Variants in ANKRD12 observed in about 807,000 individuals in gnomAD.
ANKRD12 encodes the protein ankyrin repeat domain-containing protein 12.
Under a neutral mutation model 183.4 loss-of-function variants are expected in ANKRD12, and 85 were observed. That is an observed-to-expected ratio of 0.46 (90% CI 0.39 to 0.56). The LOEUF is 0.56. Among genes scored for constraint, ANKRD12 ranks in the 20% least tolerant of loss-of-function variants. The pLI, the probability that ANKRD12 is intolerant of heterozygous loss-of-function variation, is 0.00. For synonymous variants in ANKRD12, 914 were observed against 800.2 expected (o/e 1.14, Z -2.40); for missense variants, 2,405 against 2,357.1 (o/e 1.02, Z -0.42).
intron 12 of ANKRD12, 77 bp from the exon 13 acceptor site, chr18:9,280,864 G>A (rs1445585021): frequency 2.8e-6 from 4 of 1,411,156 alleles, no homozygotes; most frequent in East Asian, 2.3e-5. Flanking sequence ...AGTTCCTAAA[G>A]AAACTGGATG....
chr18:9,194,637 C>T (rs939778364), intron 2 of ANKRD12, among the ~76,000 whole-genome samples: 1 of 152,194 alleles, frequency 6.6e-6, no homozygotes. Flanking sequence ...GATTAACAGG[C>T]ATGAGCCACC....
intron 8 of ANKRD12, among the ~76,000 whole-genome samples, chr18:9,232,286 T>C (rs912876320): frequency 2.0e-5 from 3 of 152,250 alleles, no homozygotes; most frequent in Non-Finnish European, 4.4e-5. Context: ...AGGACTCCCT[T>C]GAGCATTTCT....
rs183495990 is a variant in ANKRD12 at position 9,279,527 on chromosome 18, A to G, written c.5908-22A>G. 28 of 1,392,474 alleles carry G rather than the reference A, an allele frequency of 2.0e-5. No individual in the cohort carries two copies. In the African/African-American group the frequency reaches 3.7e-4, roughly 18 times the overall value. 86.3% of individuals were successfully genotyped at this position (1,392,474 alleles called of 1,614,324 possible). ...TTTAAAGTGATTTATTGTATTTTAT[A>G]ATACTCACTTTTCTCTTTTAGTCTG... On this transcript the variant is annotated intron_variant, in intron 11 of 12. Coordinates refer to ENST00000262126, the MANE Select transcript of ANKRD12 (RefSeq NM_015208.5).
intron 3 of ANKRD12, among the ~76,000 whole-genome samples, chr18:9,202,281 T>C (rs1338572818): frequency 6.6e-6 from 1 of 152,216 alleles, no homozygotes; most frequent in South Asian, 2.1e-4. Flanking sequence ...CCTAAGACTT[T>C]AGATGCCATT....
At chr18:9,210,809 G>A (rs369737927) in intron 5 of ANKRD12, among the ~76,000 whole-genome samples, 3 of 148,480 alleles carry the variant, frequency 2.0e-5, no homozygotes, top group Non-Finnish European at 3.0e-5. Context: ...AGCTCTAATC[G>A]TGTCAGGTTT....
intron 8 of ANKRD12, among the ~76,000 whole-genome samples, chr18:9,236,384 G>A (rs988255323): frequency 1.4e-5 from 2 of 146,080 alleles, no homozygotes; most frequent in African/African-American, 5.0e-5. Context: ...CCACCTAAGT[G>A]AAACTATTAG....
intron 10 of ANKRD12, among the ~76,000 whole-genome samples, chr18:9,272,493 C>T (rs1242364869): frequency 9.2e-5 from 14 of 151,736 alleles, no homozygotes; most frequent in African/African-American, 2.4e-4. Flanking sequence ...ACCCGGGAGG[C>T]GGAGGTTGCA....
At chr18:9,162,783 G>A (rs913193050) in intron 1 of ANKRD12, among the ~76,000 whole-genome samples, 7 of 149,504 alleles carry the variant, frequency 4.7e-5, no homozygotes, top group Non-Finnish European at 7.4e-5. Context: ...GTTTTGATTT[G>A]CATTTCTCTA....
At chr18:9,241,226 TATCAACAA>T (rs1255275106) in intron 8 of ANKRD12, among the ~76,000 whole-genome samples, 2 of 152,162 alleles carry the variant, frequency 1.3e-5, no homozygotes, top group African/African-American at 4.8e-5. Flanking sequence ...CAAATATATA[TATCAACAA>T]ATTTGATGAT....
At chr18:9,252,785 G>A (rs907952254) in intron 8 of ANKRD12, among the ~76,000 whole-genome samples, 3 of 152,138 alleles carry the variant, frequency 2.0e-5, no homozygotes, top group Admixed American at 1.3e-4. Context: ...GGCAATTTGT[G>A]AAACTCCGTT....
At chr18:9,154,120 T>C (rs2030018359) in intron 1 of ANKRD12, among the ~76,000 whole-genome samples, 1 of 152,146 alleles carries the variant, frequency 6.6e-6, no homozygotes, top group Admixed American at 6.6e-5. Context: ...GATTTTTAGT[T>C]TTAAAAGATT....
chr18:9,244,619 C>G (rs1356620254), intron 8 of ANKRD12, among the ~76,000 whole-genome samples: 1 of 152,130 alleles, frequency 6.6e-6, no homozygotes, highest in African/African-American at 2.4e-5. Flanking sequence ...CGTATGATTT[C>G]GATTCTGAGA....
At chr18:9,266,106 T>C (rs1031653087) in intron 10 of ANKRD12, among the ~76,000 whole-genome samples, 7 of 152,166 alleles carry the variant, frequency 4.6e-5, no homozygotes, top group African/African-American at 9.7e-5. Flanking sequence ...CCAGGAAATA[T>C]GGGGCTATGT....
chr18:9,173,984 C>G (rs1028659439), intron 1 of ANKRD12, among the ~76,000 whole-genome samples: 1 of 152,232 alleles, frequency 6.6e-6, no homozygotes, highest in African/African-American at 2.4e-5. Context: ...GAGTACTGTT[C>G]ATATAACCTT....
chr18:9,210,685 T>C (rs1406759366), intron 5 of ANKRD12, among the ~76,000 whole-genome samples: 1 of 125,472 alleles, frequency 8.0e-6, no homozygotes, highest in Non-Finnish European at 1.6e-5. Flanking sequence ...TAGATCAAAC[T>C]ACCACGCTCC....
chr18:9,247,871 C>T (rs951650062), intron 8 of ANKRD12, among the ~76,000 whole-genome samples: 1 of 151,978 alleles, frequency 6.6e-6, no homozygotes, highest in African/African-American at 2.4e-5. Context: ...GGTGCAACTT[C>T]CACCTCCCAG....
In ANKRD12 at chr18:9,166,273, C is replaced by T. The variant is rs992453662; in HGVS notation, c.-51-16109C>T. Among the ~76,000 whole-genome samples the T allele has an allele frequency of 2.1e-3, 325 of 152,276 alleles. 2 individuals are homozygous for T. Among genetic ancestry groups the T allele is most frequent in the Non-Finnish European group, 1.7e-3 (116 of 68,026 alleles). ...GCTGGGTCAAATGGTATTTCTAATT[C>T]TAGATCCCTGAGGAATCGCCACACT... On this transcript the variant is annotated intron_variant, in intron 1 of 12. Transcript: ENST00000262126.
At chr18:9,187,507 T>C (rs1439255265) in intron 2 of ANKRD12, among the ~76,000 whole-genome samples, 1 of 152,230 alleles carries the variant, frequency 6.6e-6, no homozygotes, top group Admixed American at 6.5e-5. Flanking sequence ...CCTAAATTAA[T>C]AAAATAACCT....
At chr18:9,160,010 C>G (rs534613100) in intron 1 of ANKRD12, among the ~76,000 whole-genome samples, 10 of 152,052 alleles carry the variant, frequency 6.6e-5, no homozygotes, top group African/African-American at 2.2e-4. Context: ...TGGCTCATGC[C>G]TGTAATCCCC....
Sources: gnomAD v4.1 joint callset for allele counts (sites outside exome capture counted in the v4.1 genomes callset) on GRCh38, gnomAD v4.1.1 for gene constraint, MANE v1.5 for transcripts, NCBI Gene and HGNC (gene_info 2026-07-23, HGNC 2026-07-21) for gene names.